Variants in KCNJ6 observed in about 807,000 individuals in gnomAD.
KCNJ6 encodes potassium inwardly rectifying channel subfamily J member 6, also known as G protein-activated inward rectifier potassium channel 2.
Under a neutral mutation model 34.2 loss-of-function variants are expected in KCNJ6, and 9 were observed. The ratio of observed to expected loss-of-function variants is 0.26; its 90% CI spans 0.16 to 0.46. KCNJ6 has a LOEUF of 0.46. Ranked by LOEUF, KCNJ6 falls within the 20% of genes least tolerant of loss-of-function variation. The pLI is 1.00. For synonymous variants in KCNJ6, 196 were observed against 207.1 expected (o/e 0.95, Z 0.46); for missense variants, 236 against 531.3 (o/e 0.44, Z 5.46).
At chr21:37,881,358 G>A (rs1289259962) in intron 1 of KCNJ6, among the ~76,000 whole-genome samples, 1 of 152,150 alleles carries the variant, frequency 6.6e-6, no homozygotes, top group Non-Finnish European at 1.5e-5. Context: ...TGGAGGCTGG[G>A]AACTCTAAGA....
chr21:37,866,340 C>A (rs114444856), intron 1 of KCNJ6, among the ~76,000 whole-genome samples: 1,800 of 152,196 alleles, frequency 0.012, 38 homozygotes, highest in African/African-American at 0.041. Context: ...TCTATTGAAC[C>A]CTGACTGGTA....
chr21:37,689,511 G>A (rs542410187), intron 3 of KCNJ6, among the ~76,000 whole-genome samples: 12 of 152,174 alleles, frequency 7.9e-5, no homozygotes, highest in Non-Finnish European at 1.3e-4. Context: ...TACAGTTCAG[G>A]TCGAACATTC....
chr21:37,778,922 C>T (rs2123510141), intron 2 of KCNJ6, among the ~76,000 whole-genome samples: 1 of 152,052 alleles, frequency 6.6e-6, no homozygotes, highest in East Asian at 1.9e-4. Context: ...TTGTTACTGC[C>T]CTTATGATCT....
intron 2 of KCNJ6, among the ~76,000 whole-genome samples, chr21:37,748,582 A>G (rs2054979138): frequency 6.6e-6 from 1 of 152,162 alleles, no homozygotes; most frequent in African/African-American, 2.4e-5. Context: ...GAAGTGGAAG[A>G]CTTCATAAGC....
chr21:37,690,574 T>C (rs1249940654), intron 3 of KCNJ6, among the ~76,000 whole-genome samples: 4 of 152,116 alleles, frequency 2.6e-5, no homozygotes, highest in African/African-American at 9.7e-5. Context: ...GGCCTAAGAG[T>C]ATTTTCTTGA....
chr21:37,891,217 T>C (rs1162308359), intron 1 of KCNJ6, among the ~76,000 whole-genome samples: 1 of 151,946 alleles, frequency 6.6e-6, no homozygotes, highest in African/African-American at 2.4e-5. Context: ...TGAGCAGGTT[T>C]TGCAAAGGCA....
At chr21:37,855,883 C>T (rs1166832953) in intron 1 of KCNJ6, among the ~76,000 whole-genome samples, 1 of 152,212 alleles carries the variant, frequency 6.6e-6, no homozygotes, top group African/African-American at 2.4e-5. Flanking sequence ...CCACTTTTAG[C>T]TATAAGGTGG....
intron 2 of KCNJ6, among the ~76,000 whole-genome samples, chr21:37,723,485 C>CT (rs2054837358): frequency 6.6e-6 from 1 of 152,172 alleles, no homozygotes; most frequent in Admixed American, 6.5e-5. Context: ...TTCATCGCAG[C>CT]ATTATTCACA....
Position 37,853,842 on chromosome 21 carries a change from A to ATG in KCNJ6, c.-27-13134_-27-13133insCA, listed in dbSNP as rs2055549542. Among the ~76,000 whole-genome samples the ATG allele has an allele frequency of 1.0e-4, 12 of 114,346 alleles. No individual in the cohort carries two copies. The South Asian group carries it at 2.6e-3, about 25-fold the overall frequency. 75.0% of individuals were successfully genotyped at this position (114,346 alleles called of 152,430 possible). On this transcript the variant is annotated intron_variant, in intron 1 of 3. Coordinates refer to ENST00000609713, the MANE Select transcript of KCNJ6 (RefSeq NM_002240.5). Reference sequence around the variant, plus strand: ...AGCAGTAGTTAAGAGATACATATATATATGTATATATATATATATAAATTA... The same window carrying ATG: ...AGCAGTAGTTAAGAGATACATATATATGTATGTATATATATATATATAAATTA...
chr21:37,787,090 T>A (rs544450220), intron 2 of KCNJ6, among the ~76,000 whole-genome samples: 4 of 152,264 alleles, frequency 2.6e-5, no homozygotes, highest in African/African-American at 9.6e-5. Flanking sequence ...TGGATTCTGT[T>A]CTCTTTTGTC....
chr21:37,727,136 C>T (rs1431826497), intron 2 of KCNJ6, among the ~76,000 whole-genome samples: 1 of 152,168 alleles, frequency 6.6e-6, no homozygotes, highest in African/African-American at 2.4e-5. Context: ...CTGGAAGAGG[C>T]AAGGAAAGAT....
Position 37,695,786 on chromosome 21 carries a change from TC to T in KCNJ6, c.946+18424del. Reference sequence around the variant, plus strand: ...CTATGTCTTGGCTTCTAAAGACCATTCCCTAGTAAAAGGAACAAGGAATCTT... The same window carrying T: ...CTATGTCTTGGCTTCTAAAGACCATTCCTAGTAAAAGGAACAAGGAATCTT... On this transcript the variant is annotated intron_variant, in intron 3 of 3. Transcript: ENST00000609713. This position sits in a 1 kb window ranked among gnomAD's most constrained non-coding sequence, Gnocchi z 4.2. Among the ~76,000 whole-genome samples the T allele has an allele frequency of 6.6e-6, 1 of 152,366 alleles. No individual in the cohort carries two copies. The highest frequency in any genetic ancestry group is 2.4e-5 in the African/African-American group (1 of 41,590).
chr21:37,839,853 G>C (rs1432377580), intron 2 of KCNJ6, among the ~76,000 whole-genome samples: 1 of 151,970 alleles, frequency 6.6e-6, no homozygotes, highest in South Asian at 2.1e-4. Context: ...GCCCAGACTA[G>C]AGTACACTTG....
intron 2 of KCNJ6, among the ~76,000 whole-genome samples, chr21:37,737,620 C>T (rs2054919846): frequency 6.6e-6 from 1 of 152,222 alleles, no homozygotes; most frequent in Non-Finnish European, 1.5e-5. Context: ...TGATTCCCTT[C>T]TGCCCAGTCA....
In KCNJ6 at chr21:37,830,950, C is replaced by G. The variant is rs1404860279; in HGVS notation, c.25+9708G>C. ...TGGAAATGGCCGTTAGGGGGAAGAT[C>G]CTGGGCAGTGAGTGCAGGAGGCAGC... On this transcript the variant is annotated intron_variant, in intron 2 of 3. Coordinates refer to ENST00000609713, the MANE Select transcript of KCNJ6 (RefSeq NM_002240.5). 2.6e-5 allele frequency among the ~76,000 whole-genome samples: 4 copies of G among 152,058 alleles called. No homozygotes were observed. In the East Asian group the frequency reaches 7.7e-4, roughly 29 times the overall value.
At chr21:37,723,347 A>G (rs2054836606) in intron 2 of KCNJ6, among the ~76,000 whole-genome samples, 1 of 152,256 alleles carries the variant, frequency 6.6e-6, no homozygotes, top group Non-Finnish European at 1.5e-5. Context: ...TAGTTTAGCC[A>G]CGGTGGAAAG....
intron 2 of KCNJ6, among the ~76,000 whole-genome samples, chr21:37,794,651 C>T (rs936220956): frequency 6.6e-6 from 1 of 152,090 alleles, no homozygotes; most frequent in Non-Finnish European, 1.5e-5. Context: ...ACCACATATT[C>T]TCATTCATAA....
At chr21:37,703,483 G>A (rs957832554) in intron 3 of KCNJ6, among the ~76,000 whole-genome samples, 2 of 152,196 alleles carry the variant, frequency 1.3e-5, no homozygotes, top group African/African-American at 4.8e-5. Flanking sequence ...TTGAAAGACT[G>A]AAGAGAGGGA....
intron 2 of KCNJ6, among the ~76,000 whole-genome samples, chr21:37,787,484 G>A (rs1398469798): frequency 6.6e-6 from 1 of 152,176 alleles, no homozygotes; most frequent in East Asian, 1.9e-4. Flanking sequence ...AGAAAGGCAA[G>A]AAACCTTATT....
Sources: allele counts gnomAD v4.1 joint callset (sites outside exome capture counted in the v4.1 genomes callset), GRCh38; gene constraint gnomAD v4.1.1; non-coding constraint Gnocchi (gnomAD v3.1); transcripts MANE v1.5; gene names NCBI Gene and HGNC (gene_info 2026-07-23, HGNC 2026-07-21).